The following TSEN2 variants were observed in gnomAD, a reference collection of about 807,000 sequenced individuals.
TSEN2 encodes tRNA splicing endonuclease subunit 2, also known as tRNA-splicing endonuclease subunit Sen2.
Under a neutral mutation model 59.2 loss-of-function variants are expected in TSEN2, and 54 were observed. The ratio of observed to expected loss-of-function variants is 0.91; its 90% CI spans 0.73 to 1.14. The LOEUF (loss-of-function observed/expected upper bound fraction) is 1.14. TSEN2 is among the 50% of genes most tolerant of loss of function. TSEN2 has a pLI of 0.00. For missense variants in TSEN2, 636 were observed against 576.2 expected (o/e 1.10, Z -1.06); for synonymous variants, 195 against 198.2 (o/e 0.98, Z 0.14).
At chr3:12,538,999 C>T in intron 10 of TSEN2, 1 of 324,180 alleles carries the variant, frequency 3.1e-6, no homozygotes, top group Non-Finnish European at 5.9e-6. Flanking sequence ...TGATTTCAGT[C>T]ATTGCTGGGC....
downstream of TSEN2, among the ~76,000 whole-genome samples, chr3:12,537,374 G>A (rs1245885371): frequency 1.3e-5 from 2 of 152,094 alleles, no homozygotes; most frequent in African/African-American, 2.4e-5. Flanking sequence ...AATCCAGCCT[G>A]GGCAACAGAG....
downstream of TSEN2, among the ~76,000 whole-genome samples, chr3:12,534,651 A>C (rs973276068): frequency 6.6e-6 from 1 of 151,976 alleles, no homozygotes; most frequent in Non-Finnish European, 1.5e-5. Context: ...AAAATACAAA[A>C]AAACTAGCTC....
At chr3:12,515,706 C>G (rs1163912461) in intron 6 of TSEN2, among the ~76,000 whole-genome samples, 1 of 152,088 alleles carries the variant, frequency 6.6e-6, no homozygotes, top group Non-Finnish European at 1.5e-5. Context: ...TCAACTGGAG[C>G]CAATTTTCTT....
At position 12,523,526 on chromosome 3, in the gene TSEN2, C is replaced by CTTTTTTTTTTTTTTTTTTT. The variant is rs546904336; in HGVS notation, c.1099+4336_1099+4354dup. Among the ~76,000 whole-genome samples the CTTTTTTTTTTTTTTTTTTT allele has an allele frequency of 8.7e-3, 405 of 46,472 alleles. 80 individuals are homozygous for CTTTTTTTTTTTTTTTTTTT. The highest frequency in any genetic ancestry group is 0.012 in the Non-Finnish European group (278 of 23,026). The allele number at this position is 46,472 out of a possible 152,430, so 30.5% of individuals were successfully genotyped here. A position where few individuals can be genotyped will look rare whatever the true frequency, so the allele number is the denominator to read the frequency against. ...CTTCTCCTCATCTTCCTCTTTGATTCTTTTTTTTTTTTTTTTTTTTTTTTT... is the reference window on the plus strand; with the variant it reads ...CTTCTCCTCATCTTCCTCTTTGATTCTTTTTTTTTTTTTTTTTTTTTTTTTTTTTTTTTTTTTTTTTTTT... On this transcript the variant is annotated intron_variant, in intron 8 of 11. Transcript: ENST00000284995.
chr3:12,513,783 T>C (rs889289501), intron 6 of TSEN2, among the ~76,000 whole-genome samples: 1 of 152,176 alleles, frequency 6.6e-6, no homozygotes, highest in Non-Finnish European at 1.5e-5. Context: ...TATTAATAAG[T>C]AGTGAGTGAT....
chr3:12,501,876 T>C (rs1241163764), intron 4 of TSEN2, among the ~76,000 whole-genome samples: 1 of 152,250 alleles, frequency 6.6e-6, no homozygotes. Flanking sequence ...CAACATCTGG[T>C]AGTTCTCACA....
Position 12,529,888 on chromosome 3 carries a change from G to C in TSEN2, c.1248+15G>C, listed in dbSNP as rs200663602. On this transcript the variant is annotated intron_variant, in intron 10 of 11. Transcript: ENST00000284995. ...ATGTCTCTAAGGTAACACAACATCAGCTTTGCCATTGGAGTGTCACTTAAA... is the reference window on the plus strand; with the variant it reads ...ATGTCTCTAAGGTAACACAACATCACCTTTGCCATTGGAGTGTCACTTAAA... 1.5e-3 allele frequency: 2,375 copies of C among 1,612,642 alleles called. 1 individual carries two copies. Among genetic ancestry groups the C allele is most frequent in the Non-Finnish European group, 1.9e-3 (2,235 of 1,179,650 alleles).
chr3:12,500,622 T>G (rs1188190325), intron 4 of TSEN2, among the ~76,000 whole-genome samples: 1 of 152,210 alleles, frequency 6.6e-6, no homozygotes, highest in African/African-American at 2.4e-5. Context: ...TGAGTCTGAT[T>G]TATTTTTCAA....
chr3:12,502,105 A>G (rs188315049), intron 4 of TSEN2, among the ~76,000 whole-genome samples: 1 of 152,316 alleles, frequency 6.6e-6, no homozygotes, highest in East Asian at 1.9e-4. Flanking sequence ...AAGCCAAATC[A>G]TTTCTCTCCT....
intron 8 of TSEN2, among the ~76,000 whole-genome samples, chr3:12,527,807 G>A (rs1236316785): frequency 3.9e-5 from 6 of 152,098 alleles, no homozygotes; most frequent in African/African-American, 1.2e-4. Flanking sequence ...CCAAGGTCAC[G>A]TTCCATACCT....
At chr3:12,495,334 G>A (rs781237518) in intron 3 of TSEN2, among the ~76,000 whole-genome samples, 5 of 151,962 alleles carry the variant, frequency 3.3e-5, no homozygotes, top group Non-Finnish European at 4.4e-5. Flanking sequence ...GGCTTATGCC[G>A]TCCTCCTACC....
At chr3:12,503,156 G>T in intron 4 of TSEN2, 106 bp from the exon 5 acceptor site, 1 of 1,201,638 alleles carries the variant, frequency 8.3e-7, no homozygotes, top group Non-Finnish European at 1.2e-6. Flanking sequence ...CAATAATACT[G>T]CTGTAAACAT....
chr3:12,537,179 A>G (rs1411500048), downstream of TSEN2, among the ~76,000 whole-genome samples: 1 of 151,956 alleles, frequency 6.6e-6, no homozygotes, highest in Non-Finnish European at 1.5e-5. Context: ...GGGAGGCTTA[A>G]GTGGGAGGAT....
chr3:12,503,110 A>C, intron 4 of TSEN2, 152 bp from the exon 5 acceptor site: 1 of 853,490 alleles, frequency 1.2e-6, no homozygotes, highest in South Asian at 1.6e-5. Flanking sequence ...GCAGAAAAGT[A>C]TAAAGAAGAA....
Position 12,516,649 on chromosome 3 carries a change from T to C in TSEN2, c.948T>C (p.Ile316=). 6.2e-7 allele frequency: 1 copy of C among 1,614,048 alleles called. No homozygotes were observed. The highest frequency in any genetic ancestry group is 8.5e-7 in the Non-Finnish European group (1 of 1,179,998). ...FLVYALGCLS[I]YYEKEPLTIV... is the part of the protein sequence containing the mutation. ...TCTATGCTCTGGGATGTTTAAGTATTTACTATGAGAAGGTAAGATGCTTTG... is the reference window on the plus strand; with the variant it reads ...TCTATGCTCTGGGATGTTTAAGTATCTACTATGAGAAGGTAAGATGCTTTG... Residue 316 remains isoleucine, a synonymous_variant, in exon 7 of 12, where the codon ATT becomes ATC. Coordinates refer to ENST00000284995, the MANE Select transcript of TSEN2 (RefSeq NM_025265.4).
rs113260160 is a variant in TSEN2 at position 12,519,088 on chromosome 3, A to G, written c.990A>G (p.Lys330=). 1,826 of 1,614,204 alleles carry G rather than the reference A, an allele frequency of 1.1e-3. 1 individual carries two copies. Among genetic ancestry groups the G allele is most frequent in the Non-Finnish European group, 1.5e-3 (1,772 of 1,180,028 alleles). Residue 330 remains lysine (K), a synonymous_variant, in exon 8 of 12, where the codon AAA becomes AAG. Transcript: ENST00000284995. ...CTTTAACGATAGTGAAGCTCTGGAAAGCTTTCACTGTAGTTCAGCCCACGT... is the reference window on the plus strand; with the variant it reads ...CTTTAACGATAGTGAAGCTCTGGAAGGCTTTCACTGTAGTTCAGCCCACGT... ...KEPLTIVKLW[K]AFTVVQPTFR...
upstream of TSEN2, among the ~76,000 whole-genome samples, chr3:12,480,595 A>G (rs374392440): frequency 1.5e-4 from 21 of 138,318 alleles, no homozygotes; most frequent in East Asian, 2.5e-3. Flanking sequence ...TAGTGGCGCA[A>G]TCTCCGCTCA....
At chr3:12,517,983 G>A (rs139930273) in intron 7 of TSEN2, among the ~76,000 whole-genome samples, 1 of 152,180 alleles carries the variant, frequency 6.6e-6, no homozygotes, top group Non-Finnish European at 1.5e-5. Context: ...TCTTAGGCTG[G>A]GACAAACTGA....
rs1420466634 is a variant in TSEN2, at chr3:12,530,176, C to T, written c.1248+303C>T. 9.8e-6 allele frequency: 12 copies of T among 1,224,420 alleles called. No homozygotes were observed. In the African/African-American group the frequency reaches 1.1e-4, roughly 11 times the overall value. The allele number at this position is 1,224,420 out of a possible 1,614,324, so 75.8% of individuals were successfully genotyped here. A position where few individuals can be genotyped will look rare whatever the true frequency, so the allele number is the denominator to read the frequency against. On this transcript the variant is annotated intron_variant, in intron 10 of 11. Transcript: ENST00000284995. ...GCATTGCTTCTCTTCCCAGGGGTAT[C>T]GTTGCTATGTGACTTGTTTTATACT...
Sources: gnomAD v4.1 joint callset for allele counts (sites outside exome capture counted in the v4.1 genomes callset) on GRCh38, gnomAD v4.1.1 for gene constraint, MANE v1.5 for transcripts, NCBI Gene and HGNC (gene_info 2026-07-23, HGNC 2026-07-21) for gene names.